FANCA: variants seen among roughly 807,000 people sequenced by gnomAD.
FANCA encodes Fanconi anemia group A protein.
A neutral mutation model predicts 194.3 loss-of-function variants in FANCA; 236 were observed. The observed-to-expected ratio is 1.21, with a 90% CI of 1.09 to 1.35. The LOEUF is 1.35. Ranked by LOEUF, FANCA falls within the 40% of genes most tolerant of loss-of-function variation. The pLI is 0.00. For missense variants in FANCA, 2,628 were observed against 1,813.9 expected, an observed-to-expected ratio of 1.45 and a Z score of -8.15; for synonymous variants, 1,014 against 715.8, an observed-to-expected ratio of 1.42 and a Z score of -6.65.
intron 10 of FANCA, among the ~76,000 whole-genome samples, chr16:89,797,192 A>T (rs1471355190): frequency 6.6e-6 from 1 of 151,996 alleles, no homozygotes; most frequent in Non-Finnish European, 1.5e-5. Context: ...TTAGCCAGGC[A>T]TGGTGGCACA....
chr16:89,748,772 A>T lies in FANCA; in HGVS notation c.3240-5T>A. 1 of 1,612,980 alleles carries T rather than the reference A, an allele frequency of 6.2e-7. No individual in the cohort carries two copies. The highest frequency in any genetic ancestry group is 1.1e-5 in the South Asian group (1 of 91,014). ...GAAGGCAGGCGGAGGAGGATCCTGG[A>T]AAGAAGGGGCTGTATTGGTGGCGAC... is the stretch of plus-strand genomic sequence containing the variant. On this transcript the variant is annotated splice_polypyrimidine_tract_variant and splice_region_variant and intron_variant, in intron 32 of 42. Transcript: ENST00000389301.
At chr16:89,744,808 C>G (rs2062207240) in intron 36 of FANCA, 151 bp downstream of exon 36, 3 of 748,566 alleles carry the variant, frequency 4.0e-6, no homozygotes, top group South Asian at 3.0e-5. Flanking sequence ...AGGCGCCCAC[C>G]ACCACGAGAA....
At chr16:89,775,124 A>G (rs1193623938) in intron 21 of FANCA, among the ~76,000 whole-genome samples, 1 of 151,260 alleles carries the variant, frequency 6.6e-6, no homozygotes, top group Non-Finnish European at 1.5e-5. Flanking sequence ...CAGCAGCCTC[A>G]GATCTATGTC....
chr16:89,768,472 A>T (rs2143319133), intron 26 of FANCA, among the ~76,000 whole-genome samples: 1 of 152,288 alleles, frequency 6.6e-6, no homozygotes, highest in African/African-American at 2.4e-5. Context: ...CCTGGCCAAC[A>T]TGGCAAAACC....
chr16:89,740,505 T>A (rs17233727), intron 38 of FANCA: 1 of 486,674 alleles, frequency 2.1e-6, no homozygotes, highest in Admixed American at 3.6e-5. Flanking sequence ...TGTGACAGAC[T>A]CACGCCTGTA....
Position 89,799,235 on chromosome 16 carries a change from G to A in FANCA, c.827-3C>T, listed in dbSNP as rs2040355838. On this transcript the variant is annotated splice_polypyrimidine_tract_variant and splice_region_variant and intron_variant, in intron 9 of 42. Coordinates refer to ENST00000389301, the MANE Select transcript of FANCA (RefSeq NM_000135.4). ...AGCAGCCAAAGCGTCAAGTGCAACTGAAGACAGAGCCAGGAACAGAAAACA... is the reference window on the plus strand; with the variant it reads ...AGCAGCCAAAGCGTCAAGTGCAACTAAAGACAGAGCCAGGAACAGAAAACA... 6.2e-7 allele frequency: 1 copy of A among 1,613,928 alleles called. No individual in the cohort carries two copies. The highest frequency in any genetic ancestry group is 8.5e-7 in the Non-Finnish European group (1 of 1,179,982).
At chr16:89,814,323 G>C (rs1402713513) in intron 3 of FANCA, among the ~76,000 whole-genome samples, 197 bp downstream of exon 3, 2 of 152,156 alleles carry the variant, frequency 1.3e-5, no homozygotes, top group Admixed American at 6.6e-5. Flanking sequence ...GGTTGAATCA[G>C]ACGCTGTTTT....
intron 17 of FANCA, among the ~76,000 whole-genome samples, chr16:89,781,227 G>A (rs1342361912): frequency 6.6e-6 from 1 of 150,870 alleles, no homozygotes; most frequent in Non-Finnish European, 1.5e-5. Context: ...AGCCTGACGT[G>A]GTGGCGGGTG....
intron 37 of FANCA, among the ~76,000 whole-genome samples, 184 bp downstream of exon 37, chr16:89,742,616 T>C (rs1299405221): frequency 1.5e-5 from 2 of 131,792 alleles, no homozygotes; most frequent in Non-Finnish European, 3.1e-5. Flanking sequence ...GAGACCATCC[T>C]GGCTAACACA....
intron 38 of FANCA, chr16:89,740,461 C>T (rs982288006): frequency 8.7e-6 from 4 of 457,904 alleles, no homozygotes; most frequent in African/African-American, 2.0e-5. Flanking sequence ...ATGGTGAAAC[C>T]CCGTCTCTAC....
intron 9 of FANCA, 86 bp downstream of exon 9, chr16:89,799,519 C>G (rs922849366): frequency 1.5e-6 from 2 of 1,336,254 alleles, no homozygotes; most frequent in African/African-American, 2.9e-5. Context: ...GGAGAAATAC[C>G]TCAAATGGAA....
chr16:89,812,385 T>A (rs1334435723), intron 3 of FANCA, among the ~76,000 whole-genome samples: 1 of 136,916 alleles, frequency 7.3e-6, no homozygotes, highest in Non-Finnish European at 1.6e-5. Flanking sequence ...AGTGGGTCCC[T>A]CCTGTAATCC....
intron 6 of FANCA, 97 bp downstream of exon 6, chr16:89,808,197 C>T (rs558442573): frequency 4.3e-6 from 5 of 1,161,474 alleles, no homozygotes; most frequent in Non-Finnish European, 5.2e-6. Context: ...TATGTCAAAG[C>T]CAGAAATCAA....
intron 3 of FANCA, among the ~76,000 whole-genome samples, chr16:89,811,332 G>C (rs571740583): frequency 1.6e-4 from 24 of 152,298 alleles, no homozygotes; most frequent in South Asian, 1.2e-3. Flanking sequence ...GACACAAAAG[G>C]AGCAAGATAA....
Position 89,776,163 on chromosome 16 carries a change from T to C in FANCA, c.1827-348A>G, listed in dbSNP as rs1019220497. 1.0e-3 allele frequency among the ~76,000 whole-genome samples: 94 copies of C among 90,438 alleles called. 2 individuals carry two copies. The highest frequency in any genetic ancestry group is 3.2e-3 in the African/African-American group (63 of 19,430). 59.3% of individuals were successfully genotyped at this position (90,438 alleles called of 152,430 possible). A position where few individuals can be genotyped will look rare whatever the true frequency, so the allele number is the denominator to read the frequency against. The stretch of plus-strand genomic sequence containing the variant: ...AAAACACGAATCTTTGTTTTTCTTT[T>C]TTTTTTTTTTTTTTTTTTTTTTGAG... On this transcript the variant is annotated intron_variant, in intron 20 of 42. Transcript: ENST00000389301.
chr16:89,808,645 C>T (rs987869567), intron 5 of FANCA, among the ~76,000 whole-genome samples: 5 of 152,168 alleles, frequency 3.3e-5, no homozygotes, highest in African/African-American at 1.2e-4. Flanking sequence ...CTACTTCTAA[C>T]CCTTTCTCCA....
chr16:89,743,997 A>C (rs1480642271), intron 36 of FANCA, among the ~76,000 whole-genome samples: 1 of 151,998 alleles, frequency 6.6e-6, no homozygotes, highest in East Asian at 1.9e-4. Flanking sequence ...TCCTGGGTTC[A>C]AGCAATTCTC....
At chr16:89,759,782 G>C (rs1264722500) in intron 29 of FANCA, among the ~76,000 whole-genome samples, 1 of 152,256 alleles carries the variant, frequency 6.6e-6, no homozygotes, top group South Asian at 2.1e-4. Flanking sequence ...CAAATCCGCA[G>C]TGCACAGAAC....
At chr16:89,762,947 GAAA>G (rs61684026) in intron 28 of FANCA, among the ~76,000 whole-genome samples, 8,029 of 117,620 alleles carry the variant, frequency 0.068, 387 homozygotes, top group East Asian at 0.24. Flanking sequence ...CTAAAAATAC[GAAA>G]AAAAAAAAAA....
Sources: allele counts gnomAD v4.1 joint callset (sites outside exome capture counted in the v4.1 genomes callset), GRCh38; gene constraint gnomAD v4.1.1; transcripts MANE v1.5; gene names NCBI Gene and HGNC (gene_info 2026-07-23, HGNC 2026-07-21).